SATB2: variants seen among roughly 807,000 people sequenced by gnomAD.
SATB2 encodes SATB homeobox 2, also known as DNA-binding protein SATB2.
A neutral mutation model predicts 73.4 loss-of-function variants in SATB2; 1 was observed. The ratio of observed to expected loss-of-function variants is 0.01; its 90% CI spans 0.00 to 0.06. The LOEUF is 0.06. Among genes scored for constraint, SATB2 ranks in the 10% least tolerant of loss-of-function variants. SATB2 has a pLI of 1.00. For synonymous variants in SATB2, 397 were observed against 367.0 expected, an observed-to-expected ratio of 1.08 and a Z score of -0.93; for missense variants, 459 against 945.8, an observed-to-expected ratio of 0.49 and a Z score of 6.75.
chr2:199,283,485 T>C (rs1692593116), intron 10 of SATB2, among the ~76,000 whole-genome samples: 1 of 150,542 alleles, frequency 6.6e-6, no homozygotes, highest in African/African-American at 2.4e-5. Flanking sequence ...GCCTTGATTG[T>C]TGCAAGCCAG....
At chr2:199,393,152 C>A (rs1004201851) in intron 3 of SATB2, among the ~76,000 whole-genome samples, 3 of 152,174 alleles carry the variant, frequency 2.0e-5, no homozygotes, top group African/African-American at 7.2e-5. Flanking sequence ...TCCCAGAGAG[C>A]CTCTGCACTT....
intron 7 of SATB2, among the ~76,000 whole-genome samples, chr2:199,337,136 G>A (rs1268235875): frequency 3.3e-5 from 5 of 151,984 alleles, no homozygotes; most frequent in Non-Finnish European, 5.9e-5. Flanking sequence ...TTTGCTAAAC[G>A]TCTTCTCATA....
chr2:199,439,162 C>G (rs1184361390), intron 2 of SATB2, among the ~76,000 whole-genome samples: 1 of 152,258 alleles, frequency 6.6e-6, no homozygotes, highest in Non-Finnish European at 1.5e-5. Context: ...TTCCGTTATT[C>G]ACAGACAAAG....
chr2:199,317,407 T>C (rs1687766410), intron 9 of SATB2, among the ~76,000 whole-genome samples: 1 of 152,054 alleles, frequency 6.6e-6, no homozygotes, highest in South Asian at 2.1e-4. Flanking sequence ...GAAGCTTTAA[T>C]ATGGCAACCT....
intron 2 of SATB2, among the ~76,000 whole-genome samples, chr2:199,453,101 C>A (rs1336141083): frequency 6.6e-6 from 1 of 152,048 alleles, no homozygotes; most frequent in Non-Finnish European, 1.5e-5. Flanking sequence ...ACAGTAAATT[C>A]CCTCTACCTA....
rs1342496239 is a variant in SATB2 at position 199,308,626 on chromosome 2, T to G, written c.1740+134A>C. The G allele has an allele frequency of 1.4e-6, 1 of 734,688 alleles. No homozygotes were observed. The highest frequency in any genetic ancestry group is 2.0e-5 in the Admixed American group (1 of 49,854). The allele number at this position is 734,688 out of a possible 1,614,324, so 45.5% of individuals were successfully genotyped here. ...CAGTACCCACTGTGACGACAGCGTC[T>G]TCTGTACTTGGGGACCTGGCATGAG... On this transcript the variant is annotated intron_variant, in intron 10 of 10. Transcript: ENST00000417098. This position sits in a 1 kb window ranked among gnomAD's most constrained non-coding sequence, Gnocchi z 4.6.
chr2:199,340,727 G>T (rs1255577992), intron 7 of SATB2, among the ~76,000 whole-genome samples: 4 of 152,144 alleles, frequency 2.6e-5, no homozygotes, highest in African/African-American at 9.7e-5. Flanking sequence ...GGAGACAGTG[G>T]TATAGAGAAG....
intron 3 of SATB2, among the ~76,000 whole-genome samples, chr2:199,421,582 A>G (rs1691170759): frequency 6.6e-6 from 1 of 152,208 alleles, no homozygotes; most frequent in South Asian, 2.1e-4. Flanking sequence ...ACATCTTAAC[A>G]CAGGACTGTC....
At chr2:199,426,157 G>GA (rs1436837539) in intron 3 of SATB2, among the ~76,000 whole-genome samples, 5 of 151,828 alleles carry the variant, frequency 3.3e-5, no homozygotes, top group Admixed American at 6.6e-5. Context: ...CCCTTACAAA[G>GA]AAAAAACTGC....
intron 10 of SATB2, among the ~76,000 whole-genome samples, chr2:199,298,662 C>G (rs928753569): frequency 6.6e-6 from 1 of 152,204 alleles, no homozygotes; most frequent in Middle Eastern, 3.4e-3. Context: ...CTACCTTCAT[C>G]CCCTATTTCA....
rs768447747 is a variant in SATB2 at position 199,272,235 on chromosome 2, T to A, written c.2178A>T (p.Ala726=). The A allele has an allele frequency of 7.4e-6, 12 of 1,614,108 alleles. No homozygotes were observed. In the East Asian group the frequency reaches 2.7e-4, roughly 36 times the overall value. Residue 726 remains alanine (A), a synonymous_variant, in exon 11 of 11, where the codon GCA becomes GCT. Coordinates refer to ENST00000417098, the MANE Select transcript of SATB2 (RefSeq NM_001172509.2). The surrounding 1 kb of genome is among the most constrained non-coding windows in gnomAD (Gnocchi z 6.7). ...ATTATCTCTGGTCAATTTCGGCAGG[T>A]GCTGCCTTGCTTTTGTCAGCATTTT... ...EEENADKSKA[A]PAEIDQR is the part of the protein sequence containing the mutation.
At chr2:199,309,779 T>A (rs1450882778) in intron 9 of SATB2, among the ~76,000 whole-genome samples, 1 of 152,234 alleles carries the variant, frequency 6.6e-6, no homozygotes. Context: ...CTAAGCTACA[T>A]CACTAATTTT....
At chr2:199,367,058 A>G (rs1689307498) in intron 6 of SATB2, among the ~76,000 whole-genome samples, 1 of 152,268 alleles carries the variant, frequency 6.6e-6, no homozygotes, top group East Asian at 1.9e-4. Flanking sequence ...CAGCAAGTAA[A>G]TGGGATCTAA....
chr2:199,443,306 T>C (rs186644156), intron 2 of SATB2, among the ~76,000 whole-genome samples: 7 of 152,198 alleles, frequency 4.6e-5, no homozygotes, highest in Non-Finnish European at 7.4e-5. Flanking sequence ...TTAACAGTAC[T>C]GAGGTCCTCT....
intron 10 of SATB2, among the ~76,000 whole-genome samples, chr2:199,290,900 A>T (rs1300845048): frequency 6.6e-6 from 1 of 152,216 alleles, no homozygotes; most frequent in Non-Finnish European, 1.5e-5. Flanking sequence ...AATAAAAATG[A>T]GAGAATCCAT....
chr2:199,362,269 C>T lies in SATB2; in HGVS notation c.700+6336G>A, dbSNP rs1374160843. 2.0e-5 allele frequency among the ~76,000 whole-genome samples: 3 copies of T among 151,764 alleles called. No individual in the cohort carries two copies. In the East Asian group the frequency reaches 5.8e-4, roughly 29 times the overall value. On this transcript the variant is annotated intron_variant, in intron 6 of 10. Transcript: ENST00000417098. The stretch of plus-strand genomic sequence containing the variant: ...CTGTACTGATGATCATGCGGTTGCC[C>T]AAAACATTCCTCCTTCTCTTTTCCT...
intron 7 of SATB2, among the ~76,000 whole-genome samples, chr2:199,333,730 G>C (rs1688257632): frequency 6.6e-6 from 1 of 152,132 alleles, no homozygotes; most frequent in African/African-American, 2.4e-5. Context: ...AGTGATATTA[G>C]ATAATCTGTT....
At chr2:199,363,922 A>C (rs2105844162) in intron 6 of SATB2, among the ~76,000 whole-genome samples, 1 of 152,336 alleles carries the variant, frequency 6.6e-6, no homozygotes, top group South Asian at 2.1e-4. Flanking sequence ...TTAGATCTGA[A>C]GCTGAAAGCA....
At chr2:199,460,942 C>T (rs529892377), upstream of SATB2, among the ~76,000 whole-genome samples, 16 of 152,240 alleles carry the variant, frequency 1.1e-4, no homozygotes, top group East Asian at 3.1e-3. The surrounding 1 kb of genome is among the most constrained non-coding windows in gnomAD (Gnocchi z 4.0). Context: ...AGATTCTGCA[C>T]CCTTTTAAAT....
Sources: gnomAD v4.1 joint callset for allele counts (sites outside exome capture counted in the v4.1 genomes callset) on GRCh38, gnomAD v4.1.1 for gene constraint, Gnocchi (gnomAD v3.1) non-coding constraint, MANE v1.5 for transcripts, NCBI Gene and HGNC (gene_info 2026-07-23, HGNC 2026-07-21) for gene names.